The following FKBP14 variants were observed in gnomAD, a reference collection of about 807,000 sequenced individuals.
The protein encoded by FKBP14 is FKBP prolyl isomerase 14.
FKBP14 carries 20 observed loss-of-function variants against 21.6 expected under a neutral mutation model. The ratio of observed to expected loss-of-function variants is 0.92; its 90% confidence interval spans 0.65 to 1.34. The LOEUF (loss-of-function observed/expected upper bound fraction) is 1.34, where lower values mean the gene tolerates loss of function less well. FKBP14 is among the 40% of genes most tolerant of loss of function. FKBP14 has a pLI of 0.00. For missense variants in FKBP14, 253 were observed against 249.0 expected, an observed-to-expected ratio of 1.02 and a Z score of -0.11; for synonymous variants, 79 against 86.7, an observed-to-expected ratio of 0.91 and a Z score of 0.49.
Position 30,026,654 on chromosome 7 carries a change from C to T in FKBP14, c.-146G>A. 1 of 665,388 alleles carries T rather than the reference C, an allele frequency of 1.5e-6. No homozygotes were observed. The highest frequency in any genetic ancestry group is 2.5e-6 in the Non-Finnish European group (1 of 405,704). The allele number at this position is 665,388 out of a possible 1,614,324, so 41.2% of individuals were successfully genotyped here. ...TTCTTAGAAGACGTGGCACATTTACCACCAACTCTTTTCTCAAGGGTCACG... is the reference window on the plus strand; with the variant it reads ...TTCTTAGAAGACGTGGCACATTTACTACCAACTCTTTTCTCAAGGGTCACG... On this transcript the variant is annotated 5_prime_UTR_variant, in exon 1 of 4. Transcript: ENST00000222803.
chr7:30,024,611 T>A (rs1170002508), intron 1 of FKBP14, among the ~76,000 whole-genome samples: 1 of 152,170 alleles, frequency 6.6e-6, no homozygotes, highest in African/African-American at 2.4e-5. Context: ...TTGGCCAGGA[T>A]GGTCTCAAAC....
chr7:30,023,958 A>C (rs1403655307), intron 1 of FKBP14, among the ~76,000 whole-genome samples: 1 of 152,138 alleles, frequency 6.6e-6, no homozygotes, highest in Non-Finnish European at 1.5e-5. Flanking sequence ...TCAACTGGGG[A>C]CGAGGGAAAT....
chr7:30,010,066 A>C (rs1245573070), downstream of FKBP14, among the ~76,000 whole-genome samples: 1 of 152,212 alleles, frequency 6.6e-6, no homozygotes, highest in Non-Finnish European at 1.5e-5. Context: ...TAATAAAATA[A>C]AAACTACAAA....
chr7:30,017,786 G>A (rs1255222844), intron 3 of FKBP14, among the ~76,000 whole-genome samples: 5 of 151,996 alleles, frequency 3.3e-5, no homozygotes, highest in African/African-American at 1.2e-4. Context: ...AGGCCGAGGT[G>A]GGCAGATCAC....
chr7:30,006,385 C>T (rs530221031), downstream of FKBP14, among the ~76,000 whole-genome samples: 3 of 151,610 alleles, frequency 2.0e-5, no homozygotes, highest in Non-Finnish European at 4.4e-5. Context: ...CCTTGGCCTC[C>T]GGAAGTGTTG....
chr7:30,006,086 A>G (rs1244106894), downstream of FKBP14, among the ~76,000 whole-genome samples: 4 of 150,806 alleles, frequency 2.7e-5, no homozygotes, highest in Non-Finnish European at 5.9e-5. Flanking sequence ...GTACATACAC[A>G]CATATATATA....
chr7:30,025,204 T>A (rs1790142930), intron 1 of FKBP14, among the ~76,000 whole-genome samples: 1 of 152,210 alleles, frequency 6.6e-6, no homozygotes, highest in Non-Finnish European at 1.5e-5. Context: ...CCTTCCCTAC[T>A]TTCCCCCTGG....
chr7:30,020,957 A>T (rs185341810), intron 2 of FKBP14, among the ~76,000 whole-genome samples: 24 of 152,370 alleles, frequency 1.6e-4, no homozygotes, highest in Middle Eastern at 3.4e-3. Context: ...AATGCTTGCC[A>T]TATGGCATCT....
chr7:30,025,815 G>T (rs1266650911), intron 1 of FKBP14, among the ~76,000 whole-genome samples: 1 of 152,168 alleles, frequency 6.6e-6, no homozygotes, highest in Non-Finnish European at 1.5e-5. Context: ...CCATTCGTCA[G>T]AACAAAAGAA....
intron 2 of FKBP14, 118 bp downstream of exon 2, chr7:30,022,547 A>G (rs1283940330): frequency 9.1e-6 from 9 of 989,254 alleles, no homozygotes; most frequent in African/African-American, 1.6e-5. Context: ...CTAAAGGAAT[A>G]CATACCCCCT....
chr7:30,023,494 C>A (rs1378781280), intron 1 of FKBP14, among the ~76,000 whole-genome samples: 1 of 152,192 alleles, frequency 6.6e-6, no homozygotes, highest in Non-Finnish European at 1.5e-5. Context: ...ATCCCTAAAT[C>A]CCCACTCAGA....
chr7:30,010,139 T>A (rs1020631495), downstream of FKBP14, among the ~76,000 whole-genome samples: 3 of 152,146 alleles, frequency 2.0e-5, no homozygotes, highest in Admixed American at 2.0e-4. Flanking sequence ...AATCATTGTT[T>A]CTCGTTATTT....
rs1323309491 is a variant in FKBP14, at chr7:30,014,764, C to T, written c.607G>A (p.Glu203Lys). 6.2e-7 allele frequency: 1 copy of T among 1,605,230 alleles called. No homozygotes were observed. The highest frequency in any genetic ancestry group is 1.3e-5 in the African/African-American group (1 of 74,698). ...AACTCATCGTGTTTATATGTAAATT[C>T]TCTGGCAGATATAAACCCATCTTTG... ...EDKDGFISAR[E>K]FTYKHDEL is the part of the protein sequence containing the mutation. Residue 203 changes from glutamate to lysine, a missense_variant, in exon 4 of 4, where the codon GAA becomes AAA. Glu to Lys is a moderately conservative substitution (Grantham distance 56). Coordinates refer to ENST00000222803, the MANE Select transcript of FKBP14 (RefSeq NM_017946.4).
chr7:30,008,880 G>C (rs1789663600), downstream of FKBP14, among the ~76,000 whole-genome samples: 1 of 151,748 alleles, frequency 6.6e-6, no homozygotes, highest in Non-Finnish European at 1.5e-5. Flanking sequence ...CAGGAGAATG[G>C]CATGAACCCA....
chr7:30,023,065 C>CAAGT (rs76280627), intron 1 of FKBP14, among the ~76,000 whole-genome samples: 6 of 151,978 alleles, frequency 3.9e-5, no homozygotes, highest in African/African-American at 1.5e-4. Flanking sequence ...ATAATAAAAA[C>CAAGT]AACAACCATT....
chr7:30,019,101 T>C lies in FKBP14; in HGVS notation c.372A>G (p.Thr124=). 6.3e-7 allele frequency: 1 copy of C among 1,580,194 alleles called. No individual in the cohort carries two copies. The highest frequency in any genetic ancestry group is 8.5e-7 in the Non-Finnish European group (1 of 1,169,862). The stretch of plus-strand genomic sequence containing the variant: ...CCAGGAGATCAATATTAAATATCAG[T>C]GTACTTTCTGGGGGAATTTTACCTG... ...EGKGKIPPES[T]LIFNIDLLEI... The change falls in exon 3 of 4, where the codon ACA becomes ACG. Residue 124 remains threonine, a synonymous_variant. Transcript: ENST00000222803.
downstream of FKBP14, among the ~76,000 whole-genome samples, chr7:30,006,685 G>C (rs1189657844): frequency 6.6e-6 from 1 of 152,128 alleles, no homozygotes; most frequent in Non-Finnish European, 1.5e-5. Flanking sequence ...ACATGCTGCA[G>C]GACATCATTC....
rs1363875938 is a variant in FKBP14, at chr7:30,020,271, T to A, written c.350-1148A>T. The A allele has an allele frequency of 3.1e-6, 4 of 1,277,646 alleles. No homozygotes were observed. In the African/African-American group the frequency reaches 6.2e-5, roughly 20 times the overall value. The allele number at this position is 1,277,646 out of a possible 1,614,324, so 79.1% of individuals were successfully genotyped here. On this transcript the variant is annotated intron_variant, in intron 2 of 3. Transcript: ENST00000222803. ...TAGGTTGTTGATAAAACTGGTATCT[T>A]TCCAAAAGAGGCATGCAAGCATGTA...
At position 30,014,705 on chromosome 7, in the gene FKBP14, G is replaced by C. The variant is rs1370636691; in HGVS notation, c.*30C>G. 1.2e-5 allele frequency: 16 copies of C among 1,357,100 alleles called. No homozygotes were observed. Among genetic ancestry groups the C allele is most frequent in the African/African-American group, 3.0e-5 (2 of 67,408 alleles). 84.1% of individuals were successfully genotyped at this position (1,357,100 alleles called of 1,614,324 possible). On this transcript the variant is annotated 3_prime_UTR_variant, in exon 4 of 4. Coordinates refer to ENST00000222803, the MANE Select transcript of FKBP14 (RefSeq NM_017946.4). ...AGATGACTGCCCTCTCTTGAAAGATGAGTGCTATATTAAAAGGGTAGATGT... is the reference window on the plus strand; with the variant it reads ...AGATGACTGCCCTCTCTTGAAAGATCAGTGCTATATTAAAAGGGTAGATGT...
Sources: gnomAD v4.1 joint callset for allele counts (sites outside exome capture counted in the v4.1 genomes callset) on GRCh38, gnomAD v4.1.1 for gene constraint, MANE v1.5 for transcripts, NCBI Gene and HGNC (gene_info 2026-07-23, HGNC 2026-07-21) for gene names.